Variants in VAT1L observed in about 807,000 individuals in gnomAD.
VAT1L encodes the protein putative NADPH-dependent quinone oxidoreductase VAT1L.
VAT1L carries 34 observed loss-of-function variants against 44.1 expected under a neutral mutation model. That is an observed-to-expected ratio of 0.77 (90% CI 0.59 to 1.03). The LOEUF (loss-of-function observed/expected upper bound fraction) is 1.03. Ranked by LOEUF, VAT1L falls within the 50% of genes least tolerant of loss-of-function variation. The probability of loss-of-function intolerance (pLI) is 0.00; values close to 1 mark genes in which losing one functional copy is unlikely to be tolerated. For synonymous variants in VAT1L, 253 were observed against 202.2 expected (o/e 1.25, Z -2.13); for missense variants, 615 against 538.8 (o/e 1.14, Z -1.40).
intron 7 of VAT1L, among the ~76,000 whole-genome samples, chr16:77,904,408 A>G (rs930022226): frequency 1.3e-5 from 2 of 152,082 alleles, no homozygotes; most frequent in African/African-American, 4.8e-5. Flanking sequence ...TTAGTTTTGG[A>G]GACTGGGAAT....
At chr16:77,977,187 T>G (rs1041764958) in intron 8 of VAT1L, among the ~76,000 whole-genome samples, 1 of 152,142 alleles carries the variant, frequency 6.6e-6, no homozygotes, top group Non-Finnish European at 1.5e-5. Flanking sequence ...AGAGCAGCCC[T>G]TAGCCATAAC....
rs1597155919 is a variant in VAT1L at position 77,788,820 on chromosome 16, G to T, written c.138G>T (p.Val46=). ...LGDAQEMRAV[V]LAGFGGLNKL... is the part of the protein sequence containing the mutation. The stretch of plus-strand genomic sequence containing the variant: ...ACGCCCAGGAGATGCGCGCGGTGGT[G>T]CTGGCTGGCTTCGGGGGGCTCAACA... The change falls in exon 1 of 9, where the codon GTG becomes GTT. Residue 46 remains valine (V), a synonymous_variant. Coordinates refer to ENST00000302536, the MANE Select transcript of VAT1L (RefSeq NM_020927.3). 14 of 1,577,892 alleles carry T rather than the reference G, an allele frequency of 8.9e-6. No individual in the cohort carries two copies. Among genetic ancestry groups the T allele is most frequent in the African/African-American group, 2.7e-5 (2 of 74,360 alleles).
chr16:77,808,497 A>G (rs2016203664), intron 1 of VAT1L, among the ~76,000 whole-genome samples: 1 of 152,142 alleles, frequency 6.6e-6, no homozygotes, highest in South Asian at 2.1e-4. Flanking sequence ...TGGAAAAAAA[A>G]TGTCTTCCAT....
intron 7 of VAT1L, among the ~76,000 whole-genome samples, chr16:77,944,291 G>A (rs79089374): frequency 0.016 from 2,489 of 152,188 alleles, 53 homozygotes; most frequent in South Asian, 0.052. Flanking sequence ...TTACTCTACT[G>A]GAATACTAGA....
chr16:77,854,303 G>A (rs2016836086), intron 3 of VAT1L, among the ~76,000 whole-genome samples: 1 of 152,178 alleles, frequency 6.6e-6, no homozygotes, highest in Non-Finnish European at 1.5e-5. Flanking sequence ...TAGGTCAACA[G>A]CTTTGCAGTG....
chr16:77,974,371 C>G (rs2018312910), intron 8 of VAT1L, among the ~76,000 whole-genome samples: 1 of 152,288 alleles, frequency 6.6e-6, no homozygotes, highest in Non-Finnish European at 1.5e-5. Flanking sequence ...TAGTTGGCAC[C>G]AATTTCCCAC....
chr16:77,887,646 A>T (rs1323730272), intron 7 of VAT1L, among the ~76,000 whole-genome samples: 1 of 152,180 alleles, frequency 6.6e-6, no homozygotes, highest in Non-Finnish European at 1.5e-5. Context: ...TCCACTAAGG[A>T]TACAGAGCAA....
intron 3 of VAT1L, among the ~76,000 whole-genome samples, chr16:77,843,539 C>G (rs762176226): frequency 8.5e-5 from 13 of 152,184 alleles, no homozygotes; most frequent in Non-Finnish European, 1.6e-4. Flanking sequence ...AGGCTGAAAG[C>G]CAGGATTTGA....
intron 7 of VAT1L, among the ~76,000 whole-genome samples, chr16:77,962,200 G>T (rs967098062): frequency 1.3e-5 from 2 of 152,118 alleles, no homozygotes; most frequent in East Asian, 3.9e-4. Context: ...GTCCCCTTCT[G>T]TCTCCACCCC....
At chr16:77,796,667 G>T (rs1033485623) in intron 1 of VAT1L, among the ~76,000 whole-genome samples, 1 of 152,208 alleles carries the variant, frequency 6.6e-6, no homozygotes, top group African/African-American at 2.4e-5. Context: ...ACTCAATAAA[G>T]GTTGTTTCTT....
At chr16:77,803,934 G>A (rs111529301) in intron 1 of VAT1L, among the ~76,000 whole-genome samples, 366 of 152,258 alleles carry the variant, frequency 2.4e-3, no homozygotes, top group African/African-American at 8.4e-3. Context: ...GATACTTTCT[G>A]TGAGAAGAAC....
intron 7 of VAT1L, among the ~76,000 whole-genome samples, chr16:77,929,406 G>A (rs2017704102): frequency 6.6e-6 from 1 of 152,156 alleles, no homozygotes; most frequent in Non-Finnish European, 1.5e-5. Context: ...TAGGCCCTAG[G>A]GAGTTTCAAG....
At chr16:77,852,084 G>A (rs1290759096) in intron 3 of VAT1L, among the ~76,000 whole-genome samples, 1 of 152,030 alleles carries the variant, frequency 6.6e-6, no homozygotes, top group Non-Finnish European at 1.5e-5. Context: ...TTCCTCCAGG[G>A]CCATACTAGT....
chr16:77,977,615 G>C lies in VAT1L; in HGVS notation c.1180G>C (p.Glu394Gln), dbSNP rs375418001. 1.2e-6 allele frequency: 2 copies of C among 1,614,008 alleles called. No homozygotes were observed. The highest frequency in any genetic ancestry group is 1.7e-5 in the Admixed American group (1 of 60,002). ...PTPLMANDST[E>Q]TSEAGEEEED... ...ATTACAGATGGCCAATGACAGCACA[G>C]AGACCAGTGAAGCAGGGGAAGAGGA... The change falls in exon 9 of 9, where the codon GAG becomes CAG. Residue 394 changes from glutamate to glutamine, a missense_variant. By Grantham distance (29) the Glu-to-Gln change is conservative (BLOSUM62 2). Coordinates refer to ENST00000302536, the MANE Select transcript of VAT1L (RefSeq NM_020927.3).
chr16:77,824,505 C>T (rs1184806987), intron 2 of VAT1L, among the ~76,000 whole-genome samples: 1 of 152,052 alleles, frequency 6.6e-6, no homozygotes, highest in Non-Finnish European at 1.5e-5. Flanking sequence ...CCTGTAATCC[C>T]AGCACTTTGG....
intron 1 of VAT1L, among the ~76,000 whole-genome samples, chr16:77,808,908 TTA>T (rs1226602276): frequency 6.6e-6 from 1 of 152,198 alleles, no homozygotes; most frequent in Non-Finnish European, 1.5e-5. Flanking sequence ...TGATCAGTTT[TTA>T]TGATTCTGTT....
At chr16:77,853,973 C>A (rs1445952861) in intron 3 of VAT1L, among the ~76,000 whole-genome samples, 1 of 151,872 alleles carries the variant, frequency 6.6e-6, no homozygotes, top group Non-Finnish European at 1.5e-5. Context: ...ACTAAAAATA[C>A]AAAAATTAGC....
chr16:77,897,764 T>C (rs886783667), intron 7 of VAT1L, among the ~76,000 whole-genome samples: 34 of 152,194 alleles, frequency 2.2e-4, no homozygotes, highest in Non-Finnish European at 2.2e-4. Context: ...TGTGAGCCAC[T>C]GCGCCCAGCC....
At chr16:77,861,447 C>G (rs1476812561) in intron 3 of VAT1L, among the ~76,000 whole-genome samples, 1 of 152,196 alleles carries the variant, frequency 6.6e-6, no homozygotes, top group Non-Finnish European at 1.5e-5. Context: ...GTGATTTCCC[C>G]TGGACCACTT....
Sources: allele counts gnomAD v4.1 joint callset (sites outside exome capture counted in the v4.1 genomes callset), GRCh38; gene constraint gnomAD v4.1.1; transcripts MANE v1.5; gene names NCBI Gene and HGNC (gene_info 2026-07-23, HGNC 2026-07-21).